Variants in NIPBL observed in about 807,000 individuals in gnomAD.
The protein encoded by NIPBL is nipped-B-like protein.
Under a neutral mutation model 321.8 loss-of-function variants are expected in NIPBL, and 19 were observed. The ratio of observed to expected loss-of-function variants is 0.06; its 90% CI spans 0.04 to 0.09. NIPBL has a LOEUF of 0.09. Ranked by LOEUF, NIPBL falls within the 10% of genes least tolerant of loss-of-function variation. The probability of loss-of-function intolerance (pLI) is 1.00; values close to 1 mark genes in which losing one functional copy is unlikely to be tolerated. For missense variants in NIPBL, 2,210 were observed against 3,327.0 expected, an observed-to-expected ratio of 0.66 and a Z score of 8.26; for synonymous variants, 1,106 against 1,114.1, an observed-to-expected ratio of 0.99 and a Z score of 0.14.
chr5:37,064,329 T>G (rs1755154543), intron 46 of NIPBL, 198 bp from the exon 47 acceptor site: 2 of 1,434,930 alleles, frequency 1.4e-6, no homozygotes, highest in Non-Finnish European at 1.8e-6. Flanking sequence ...CGGGTACAAA[T>G]TAAGAGTTAT....
intron 1 of NIPBL, chr5:36,886,417 A>T (rs1325246285): frequency 4.1e-6 from 3 of 737,822 alleles, no homozygotes; most frequent in East Asian, 4.9e-5. Context: ...CATGCAAACT[A>T]TCCAAAAGAC....
intron 9 of NIPBL, among the ~76,000 whole-genome samples, chr5:36,978,756 A>G (rs1452595678): frequency 6.6e-6 from 1 of 151,960 alleles, no homozygotes; most frequent in African/African-American, 2.4e-5. Context: ...ATCTTGAGTT[A>G]ATTTTTGTAT....
chr5:36,892,952 G>C (rs1351141437), intron 1 of NIPBL, among the ~76,000 whole-genome samples: 1 of 152,138 alleles, frequency 6.6e-6, no homozygotes, highest in Non-Finnish European at 1.5e-5. Flanking sequence ...TAATAAAAAA[G>C]TAGCATGGTG....
intron 1 of NIPBL, among the ~76,000 whole-genome samples, chr5:36,898,774 G>A (rs1356968934): frequency 2.0e-5 from 3 of 152,098 alleles, no homozygotes; most frequent in Non-Finnish European, 4.4e-5. Flanking sequence ...CCCTCCCAAA[G>A]TGCTGGGTAT....
intron 44 of NIPBL, 50 bp from the exon 45 acceptor site, chr5:37,060,794 T>TA: frequency 6.7e-7 from 1 of 1,503,058 alleles, no homozygotes; most frequent in South Asian, 1.2e-5. Context: ...TTTCTCCAAA[T>TA]ACGTTGTTTC....
At chr5:37,033,560 T>TAAA (rs35536025) in intron 32 of NIPBL, among the ~76,000 whole-genome samples, 3 of 144,600 alleles carry the variant, frequency 2.1e-5, no homozygotes, top group African/African-American at 5.1e-5. Context: ...CCATAAGAAT[T>TAAA]AAAAAAAAAA....
chr5:37,064,363 C>A (rs780840097), intron 46 of NIPBL, 164 bp from the exon 47 acceptor site: 3 of 985,264 alleles, frequency 3.0e-6, no homozygotes, highest in Non-Finnish European at 3.6e-6. Context: ...TATATGTTAA[C>A]CCCTTGGCGC....
chr5:37,007,458 A>G lies in NIPBL; in HGVS notation c.4223A>G (p.Asp1408Gly). 2 of 1,610,970 alleles carry G rather than the reference A, an allele frequency of 1.2e-6. No homozygotes were observed. Reference sequence around the variant, plus strand: ...TTGCTAGAGATACAACTTCTTACAGACACAACAATTCTTCAGGTAAGATTT... The same window carrying G: ...TTGCTAGAGATACAACTTCTTACAGGCACAACAATTCTTCAGGTAAGATTT... Reference protein sequence around the residue: ...SELLEIQLLTDTTILQVSSMG... With the variant: ...SELLEIQLLTGTTILQVSSMG... Residue 1408 changes from aspartate to glycine, a missense_variant, in exon 18 of 47, where the codon GAC (aspartate) becomes GGC (glycine). Asp to Gly is a moderately conservative substitution (Grantham distance 94). Coordinates refer to ENST00000282516, the MANE Select transcript of NIPBL (RefSeq NM_133433.4).
At position 36,972,021 on chromosome 5, in the gene NIPBL, G is replaced by A. The variant is rs766858952; in HGVS notation, c.848G>A (p.Gly283Glu). ...CCACAGCCAGTATGCTCCCCTGCTG[G>A]AAGTGAAGGAACTCCTAAAGGTACT... Reference protein sequence around the residue: ...RSPQPVCSPAGSEGTPKGSRP... With the variant: ...RSPQPVCSPAESEGTPKGSRP... Residue 283 changes from glycine to glutamate, a missense_variant, in exon 8 of 47, where the codon GGA (glycine) becomes GAA (glutamate). Gly to Glu is a moderately conservative substitution (Grantham distance 98). Transcript: ENST00000282516. The A allele has an allele frequency of 3.1e-6, 5 of 1,612,232 alleles. No homozygotes were observed. The highest frequency in any genetic ancestry group is 2.2e-5 in the South Asian group (2 of 90,998).
chr5:37,060,874 T>C lies in NIPBL; in HGVS notation c.7716T>C (p.Ser2572=). 6.2e-7 allele frequency: 1 copy of C among 1,613,964 alleles called. No individual in the cohort carries two copies. Reference sequence around the variant, plus strand: ...TTCAGAAGTACTCTCCATCTGAATCTGCAAAAGTATATGATAAAGCGATAA... The same window carrying C: ...TTCAGAAGTACTCTCCATCTGAATCCGCAAAAGTATATGATAAAGCGATAA... The part of the protein sequence containing the change: ...SKIQKYSPSE[S]AKVYDKAINR... The change falls in exon 45 of 47, where the codon TCT becomes TCC. Residue 2572 remains serine (S), a synonymous_variant. Coordinates refer to ENST00000282516, the MANE Select transcript of NIPBL (RefSeq NM_133433.4).
chr5:36,913,156 A>C (rs1580211900), intron 1 of NIPBL, among the ~76,000 whole-genome samples: 1 of 152,176 alleles, frequency 6.6e-6, no homozygotes, highest in East Asian at 1.9e-4. Flanking sequence ...AGAAATTTGA[A>C]TATGGATTGT....
chr5:36,982,187 A>T, intron 9 of NIPBL: 1 of 974,020 alleles, frequency 1.0e-6, no homozygotes, highest in Non-Finnish European at 1.2e-6. Context: ...TCTGATAGCT[A>T]ATCTTATGGT....
chr5:36,918,099 A>G (rs1350983422), intron 1 of NIPBL, among the ~76,000 whole-genome samples: 1 of 152,154 alleles, frequency 6.6e-6, no homozygotes, highest in East Asian at 1.9e-4. Flanking sequence ...CATTGAATCT[A>G]TAAATTACCT....
At chr5:37,036,252 G>A (rs1751667820) in intron 32 of NIPBL, 127 bp from the exon 33 acceptor site, 1 of 235,848 alleles carries the variant, frequency 4.2e-6, no homozygotes, top group African/African-American at 2.3e-5. Flanking sequence ...AAATTGAAAA[G>A]TATGTTACTT....
rs1160241531 is a variant in NIPBL, at chr5:37,020,796, C to G, written c.5247C>G (p.Asp1749Glu). Residue 1749 changes from aspartate to glutamate, a missense_variant, in exon 27 of 47, where the codon GAC (aspartate) becomes GAG (glutamate). Transcript: ENST00000282516. ...STLKMNSDTV[D>E]YDDACLIVRY... ...GCAGGATGAACTCTGATACTGTGGACTATGATGATGCTTGCTTGATTGTTC... is the reference window on the plus strand; with the variant it reads ...GCAGGATGAACTCTGATACTGTGGAGTATGATGATGCTTGCTTGATTGTTC... 1 of 1,613,906 alleles carries G rather than the reference C, an allele frequency of 6.2e-7. No individual in the cohort carries two copies. Among genetic ancestry groups the G allele is most frequent in the Non-Finnish European group, 8.5e-7 (1 of 1,179,928 alleles).
chr5:37,030,795 T>C (rs1383397950), intron 32 of NIPBL, among the ~76,000 whole-genome samples: 1 of 151,778 alleles, frequency 6.6e-6, no homozygotes, highest in Non-Finnish European at 1.5e-5. Context: ...CGCTGTGTCA[T>C]GCAGGCTGGA....
chr5:36,953,166 A>G (rs2149596884), intron 1 of NIPBL, among the ~76,000 whole-genome samples: 1 of 152,292 alleles, frequency 6.6e-6, no homozygotes, highest in South Asian at 2.1e-4. Context: ...ATGATAAAAG[A>G]CACAGCTAGA....
intron 31 of NIPBL, 103 bp downstream of exon 31, chr5:37,026,430 C>A: frequency 2.7e-6 from 2 of 742,378 alleles, no homozygotes; most frequent in Admixed American, 4.0e-5. Flanking sequence ...TTTCATTAAT[C>A]TTGACATTTC....
At chr5:36,953,890 T>A in intron 2 of NIPBL, 130 bp downstream of exon 2, 2 of 752,944 alleles carry the variant, frequency 2.7e-6, no homozygotes, top group Admixed American at 2.5e-5. Flanking sequence ...AACTGCCCTT[T>A]AAAGAAAAAA....
Sources: gnomAD v4.1 joint callset for allele counts (sites outside exome capture counted in the v4.1 genomes callset) on GRCh38, gnomAD v4.1.1 for gene constraint, MANE v1.5 for transcripts, NCBI Gene and HGNC (gene_info 2026-07-23, HGNC 2026-07-21) for gene names.